GRM7: variants seen among roughly 807,000 people sequenced by gnomAD.
GRM7 encodes the protein metabotropic glutamate receptor 7.
Under a neutral mutation model 84.5 loss-of-function variants are expected in GRM7, and 35 were observed. That is an observed-to-expected ratio of 0.41 (90% CI 0.32 to 0.55). The LOEUF (loss-of-function observed/expected upper bound fraction) is 0.55, where lower values mean the gene tolerates loss of function less well. GRM7 is among the 20% of genes least tolerant of loss of function. The pLI, the probability that GRM7 is intolerant of heterozygous loss-of-function variation, is 0.19. For missense variants in GRM7, 1,003 were observed against 1,194.6 expected, an observed-to-expected ratio of 0.84 and a Z score of 2.36; for synonymous variants, 487 against 455.1, an observed-to-expected ratio of 1.07 and a Z score of -0.89.
At chr3:7,169,685 A>G (rs754852060) in intron 2 of GRM7, among the ~76,000 whole-genome samples, 2 of 152,196 alleles carry the variant, frequency 1.3e-5, no homozygotes, top group African/African-American at 2.4e-5. Context: ...TGACACGAAC[A>G]TGGTAGACAA....
chr3:7,121,333 TCATC>T (rs71307751), intron 1 of GRM7, among the ~76,000 whole-genome samples: 55,890 of 149,312 alleles, frequency 0.37, 11,164 homozygotes, highest in African/African-American at 0.53. Flanking sequence ...ATCCATCTAT[TCATC>T]CATCCATCCA....
intron 8 of GRM7, among the ~76,000 whole-genome samples, chr3:7,591,723 A>G (rs1695788364): frequency 6.6e-6 from 1 of 152,194 alleles, no homozygotes; most frequent in Admixed American, 6.5e-5. Context: ...TTCTCTGTGT[A>G]TCAATCACCA....
At chr3:7,346,440 C>T (rs1692898390) in intron 4 of GRM7, among the ~76,000 whole-genome samples, 1 of 152,132 alleles carries the variant, frequency 6.6e-6, no homozygotes, top group Non-Finnish European at 1.5e-5. Context: ...TACTGAAATA[C>T]TGAGGAAAAC....
intron 1 of GRM7, among the ~76,000 whole-genome samples, chr3:7,073,014 C>T (rs1362091839): frequency 6.6e-6 from 1 of 151,990 alleles, no homozygotes; most frequent in East Asian, 1.9e-4. Flanking sequence ...TTAGTGGACC[C>T]TATATTAAGT....
rs765787268 is a variant in GRM7 at position 7,578,952 on chromosome 3, C to T, written c.2046C>T (p.Arg682=). The change falls in exon 8 of 10, where the codon CGC becomes CGT. Residue 682 remains arginine (R), a synonymous_variant. Coordinates refer to ENST00000357716, the MANE Select transcript of GRM7 (RefSeq NM_000844.4). ...ALLTKTNRIY[R]IFEQGKKSVT... ...TGACGAAAACAAATCGGATTTATCG[C>T]ATATTTGAGCAGGGCAAGAAATCAG... 2.5e-6 allele frequency: 4 copies of T among 1,614,108 alleles called. No individual in the cohort carries two copies. Among genetic ancestry groups the T allele is most frequent in the Non-Finnish European group, 3.4e-6 (4 of 1,180,028 alleles).
intron 8 of GRM7, among the ~76,000 whole-genome samples, chr3:7,588,205 T>A (rs1575527952): frequency 1.3e-5 from 2 of 152,358 alleles, no homozygotes; most frequent in South Asian, 2.1e-4. Flanking sequence ...CACTAGTTTC[T>A]TCTGAGTATA....
intron 1 of GRM7, among the ~76,000 whole-genome samples, chr3:6,909,541 A>G (rs1030269556): frequency 6.6e-6 from 1 of 152,124 alleles, no homozygotes; most frequent in Admixed American, 6.6e-5. Context: ...TGTTAGTTAG[A>G]TGGGTGGATC....
At chr3:7,334,408 A>G (rs1701323254) in intron 4 of GRM7, among the ~76,000 whole-genome samples, 2 of 152,166 alleles carry the variant, frequency 1.3e-5, no homozygotes, top group Admixed American at 6.6e-5. Context: ...AAAGGGTTCT[A>G]AATCTTAAAA....
chr3:7,216,759 G>T (rs529757945), intron 2 of GRM7, among the ~76,000 whole-genome samples: 11 of 152,094 alleles, frequency 7.2e-5, no homozygotes, highest in African/African-American at 2.7e-4. Context: ...TTTAAGGTTT[G>T]TTTTTGTTTG....
chr3:7,571,096 G>C (rs1451561342), intron 7 of GRM7, among the ~76,000 whole-genome samples: 1 of 152,122 alleles, frequency 6.6e-6, no homozygotes, highest in Non-Finnish European at 1.5e-5. Context: ...CCTGGTCCAT[G>C]AAACCACTTT....
At chr3:6,954,489 G>C (rs1217724041) in intron 1 of GRM7, among the ~76,000 whole-genome samples, 1 of 151,948 alleles carries the variant, frequency 6.6e-6, no homozygotes, top group Non-Finnish European at 1.5e-5. Context: ...CCTAAAATAA[G>C]GTCTGAACAC....
At chr3:7,253,490 G>C (rs1224904068) in intron 2 of GRM7, among the ~76,000 whole-genome samples, 1 of 151,786 alleles carries the variant, frequency 6.6e-6, no homozygotes, top group Non-Finnish European at 1.5e-5. Context: ...GGTGGTGGGT[G>C]CCTGTAATCC....
chr3:7,327,626 G>C (rs1701038757), intron 4 of GRM7, among the ~76,000 whole-genome samples: 1 of 152,142 alleles, frequency 6.6e-6, no homozygotes, highest in African/African-American at 2.4e-5. Flanking sequence ...CTAGTATAAA[G>C]TATTCCTAAA....
intron 1 of GRM7, among the ~76,000 whole-genome samples, chr3:7,008,798 C>T (rs544630839): frequency 6.6e-6 from 1 of 152,220 alleles, no homozygotes; most frequent in African/African-American, 2.4e-5. Flanking sequence ...CTTCTTTCTC[C>T]TTTCTCCTTT....
intron 8 of GRM7, chr3:7,607,705 C>T (rs571057319): frequency 2.7e-5 from 4 of 146,386 alleles, no homozygotes; most frequent in Non-Finnish European, 5.9e-5. Context: ...TCAGCAGACT[C>T]ACAGAGCTCG....
At chr3:7,390,787 T>C (rs1694960112) in intron 4 of GRM7, among the ~76,000 whole-genome samples, 1 of 152,136 alleles carries the variant, frequency 6.6e-6, no homozygotes. Context: ...TTTCAACTTT[T>C]TCTTGGGTCT....
chr3:7,309,721 T>C (rs1239913260), intron 4 of GRM7, among the ~76,000 whole-genome samples: 5 of 152,190 alleles, frequency 3.3e-5, no homozygotes, highest in Non-Finnish European at 7.3e-5. Flanking sequence ...CTATCTGTAC[T>C]TATTCTCCAT....
At chr3:7,738,505 C>T (rs1702578276) in intron 9 of GRM7, among the ~76,000 whole-genome samples, 4 of 152,040 alleles carry the variant, frequency 2.6e-5, no homozygotes, top group Admixed American at 2.6e-4. Flanking sequence ...TAACTTAATC[C>T]CAGCCAATGC....
intron 2 of GRM7, among the ~76,000 whole-genome samples, chr3:7,158,146 A>G (rs1057427206): frequency 6.6e-6 from 1 of 152,134 alleles, no homozygotes; most frequent in Admixed American, 6.5e-5. Flanking sequence ...TTTTTCTGAG[A>G]TATGAATAGG....
Sources: gnomAD v4.1 joint callset for allele counts (sites outside exome capture counted in the v4.1 genomes callset) on GRCh38, gnomAD v4.1.1 for gene constraint, MANE v1.5 for transcripts, NCBI Gene and HGNC (gene_info 2026-07-23, HGNC 2026-07-21) for gene names.